PRELID2: variants seen among roughly 807,000 people sequenced by gnomAD.
PRELID2 encodes the protein PRELI domain-containing protein 2.
PRELID2 carries 25 observed loss-of-function variants against 28.4 expected under a neutral mutation model. That is an observed-to-expected ratio of 0.88 (90% CI 0.64 to 1.23). PRELID2 has a LOEUF of 1.23. PRELID2 is among the 50% of genes most tolerant of loss of function. The pLI is 0.00. For missense variants in PRELID2, 201 were observed against 214.4 expected (o/e 0.94, Z 0.39); for synonymous variants, 76 against 71.6 (o/e 1.06, Z -0.31).
At chr5:145,499,162 C>A (rs138702095) in intron 1 of PRELID2, among the ~76,000 whole-genome samples, 7 of 152,060 alleles carry the variant, frequency 4.6e-5, no homozygotes, top group Non-Finnish European at 1.5e-5. Flanking sequence ...GTGGAAGGAT[C>A]TCTTGAGCCC....
intron 1 of PRELID2, among the ~76,000 whole-genome samples, chr5:145,569,516 A>G (rs988212204): frequency 6.6e-5 from 10 of 152,204 alleles, no homozygotes; most frequent in Non-Finnish European, 1.5e-4. Flanking sequence ...ATTACCCTGC[A>G]TTATGGAATC....
chr5:145,351,892 G>A, the PRELID2 span, among the ~76,000 whole-genome samples: 2 of 152,142 alleles, frequency 1.3e-5, no homozygotes, highest in Non-Finnish European at 2.9e-5. Flanking sequence ...CAGTCATTAA[G>A]CCTTAAAGTT....
intron 1 of PRELID2, among the ~76,000 whole-genome samples, chr5:145,549,763 C>A (rs1291102733): frequency 1.3e-5 from 2 of 151,500 alleles, no homozygotes; most frequent in African/African-American, 4.9e-5. Context: ...CCACTGCACT[C>A]CAGCCTGGGT....
At chr5:145,395,320 T>C in the PRELID2 span, among the ~76,000 whole-genome samples, 1 of 152,154 alleles carries the variant, frequency 6.6e-6, no homozygotes, top group East Asian at 1.9e-4. Flanking sequence ...GGAAATTCAA[T>C]GCTCCAGGAG....
the PRELID2 span, among the ~76,000 whole-genome samples, chr5:145,456,618 C>T: frequency 6.6e-6 from 1 of 152,104 alleles, no homozygotes; most frequent in African/African-American, 2.4e-5. Flanking sequence ...GCTTTTTCTA[C>T]TTGTTTATCA....
At chr5:145,279,395 T>C in the PRELID2 span, among the ~76,000 whole-genome samples, 1 of 152,166 alleles carries the variant, frequency 6.6e-6, no homozygotes, top group African/African-American at 2.4e-5. Flanking sequence ...GCCCTTTTGT[T>C]CACATAAATT....
chr5:145,378,271 G>C, the PRELID2 span, among the ~76,000 whole-genome samples: 1 of 152,040 alleles, frequency 6.6e-6, no homozygotes, highest in Non-Finnish European at 1.5e-5. Context: ...GTCTTGCGGA[G>C]GATCTTTTTT....
chr5:145,468,094 G>T (rs192704668), downstream of PRELID2, among the ~76,000 whole-genome samples: 2,123 of 152,122 alleles, frequency 0.014, 26 homozygotes, highest in African/African-American at 0.035. Flanking sequence ...AGGCCCCAGT[G>T]TGTGATGTTC....
intron 1 of PRELID2, among the ~76,000 whole-genome samples, chr5:145,520,290 TG>T (rs1371426497): frequency 1.3e-5 from 2 of 152,212 alleles, no homozygotes; most frequent in Non-Finnish European, 2.9e-5. Context: ...TCTTCTGAAC[TG>T]GTGGTAAAGG....
chr5:145,628,091 C>A (rs780132417), intron 1 of PRELID2, among the ~76,000 whole-genome samples: 4 of 152,204 alleles, frequency 2.6e-5, no homozygotes, highest in South Asian at 2.1e-4. Context: ...GACTTGGGAA[C>A]TATTTACACA....
intron 1 of PRELID2, among the ~76,000 whole-genome samples, chr5:145,526,428 CA>C (rs1752605875): frequency 6.6e-6 from 1 of 151,950 alleles, no homozygotes; most frequent in African/African-American, 2.4e-5. Context: ...CACAATGGCC[CA>C]GGGGAAAAAG....
chr5:145,481,205 A>T (rs749336663), intron 1 of PRELID2, among the ~76,000 whole-genome samples: 1 of 151,868 alleles, frequency 6.6e-6, no homozygotes, highest in Admixed American at 6.6e-5. Context: ...TGTAGTGTAA[A>T]TTTTTTTCTC....
chr5:145,472,493 A>G (rs1260660434), intron 2 of PRELID2, among the ~76,000 whole-genome samples: 12 of 152,188 alleles, frequency 7.9e-5, no homozygotes, highest in African/African-American at 2.9e-4. Flanking sequence ...TAATTACATT[A>G]AAGATGAATA....
the PRELID2 span, among the ~76,000 whole-genome samples, chr5:145,428,645 G>A: frequency 1.3e-5 from 2 of 152,074 alleles, no homozygotes; most frequent in Non-Finnish European, 2.9e-5. Context: ...TAACAAACCT[G>A]CACTTTGTGC....
chr5:145,764,977 C>G lies in PRELID2; in HGVS notation c.498G>C (p.Leu166=), dbSNP rs1757657996. ...AQKGIRIMEM[L]LKEQCGAPLA... is the part of the protein sequence containing the mutation. ...AGGGGGCACCACACTGTTCCTTTAG[C>G]AGCATCTCCATGATTCTAATTCCCT... is the stretch of plus-strand genomic sequence containing the variant. The change falls in exon 6 of 7, where the codon CTG becomes CTC. Residue 166 remains leucine (L), a synonymous_variant. Coordinates refer to ENST00000683046, the MANE Select transcript of PRELID2 (RefSeq NM_205846.3). 1 of 1,610,306 alleles carries G rather than the reference C, an allele frequency of 6.2e-7. No homozygotes were observed. The highest frequency in any genetic ancestry group is 8.5e-7 in the Non-Finnish European group (1 of 1,178,472).
rs551090043 is a variant in PRELID2 at position 145,555,698 on chromosome 5, A to C, written n.71-82383T>G. 2.6e-5 allele frequency among the ~76,000 whole-genome samples: 4 copies of C among 152,276 alleles called. No homozygotes were observed. In the East Asian group the frequency reaches 5.8e-4, roughly 22 times the overall value. Reference sequence around the variant, plus strand: ...ATCAATTAGGAATAGATTTTTGGTTAGTGGCTGTGGTGAGCCATATGCAAA... The same window carrying C: ...ATCAATTAGGAATAGATTTTTGGTTCGTGGCTGTGGTGAGCCATATGCAAA... On this transcript the variant is annotated intron_variant and non_coding_transcript_variant, in intron 1 of 2. Coordinates refer to the PRELID2 transcript ENST00000510259.
chr5:145,625,765 T>C (rs1227754658), intron 1 of PRELID2, among the ~76,000 whole-genome samples: 1 of 152,150 alleles, frequency 6.6e-6, no homozygotes, highest in African/African-American at 2.4e-5. Flanking sequence ...ATGTATACTT[T>C]AAATAGAGTG....
chr5:145,748,153 G>T (rs1757040299), intron 1 of PRELID2, among the ~76,000 whole-genome samples: 1 of 152,126 alleles, frequency 6.6e-6, no homozygotes, highest in Non-Finnish European at 1.5e-5. Flanking sequence ...GGAAGTTCTG[G>T]CCAGGGCAAT....
At chr5:145,668,300 G>A (rs932315518) in intron 1 of PRELID2, among the ~76,000 whole-genome samples, 6 of 151,168 alleles carry the variant, frequency 4.0e-5, no homozygotes, top group Admixed American at 1.3e-4. Context: ...ACAACCTAAT[G>A]ACCAAATTGA....
Sources: gnomAD v4.1 joint callset for allele counts (sites outside exome capture counted in the v4.1 genomes callset) on GRCh38, gnomAD v4.1.1 for gene constraint, MANE v1.5 for transcripts, NCBI Gene and HGNC (gene_info 2026-07-23, HGNC 2026-07-21) for gene names.